The following SNX29 variants were observed in gnomAD, a reference collection of about 807,000 sequenced individuals.
SNX29 encodes the protein sorting nexin-29.
A neutral mutation model predicts 102.1 loss-of-function variants in SNX29; 78 were observed. The ratio of observed to expected loss-of-function variants is 0.76; its 90% CI spans 0.64 to 0.92. SNX29 has a LOEUF of 0.92. Among genes scored for constraint, SNX29 ranks in the 40% least tolerant of loss-of-function variants. The pLI, the probability that SNX29 is intolerant of heterozygous loss-of-function variation, is 0.00. For missense variants in SNX29, 1,280 were observed against 1,061.7 expected (o/e 1.21, Z -2.86); for synonymous variants, 580 against 414.5 (o/e 1.40, Z -4.85).
At chr16:12,427,023 G>C (rs866785993) in intron 18 of SNX29, among the ~76,000 whole-genome samples, 1 of 152,190 alleles carries the variant, frequency 6.6e-6, no homozygotes, top group Non-Finnish European at 1.5e-5. Flanking sequence ...ATGCCAGAAT[G>C]GGGGAGGGAG....
intron 15 of SNX29, among the ~76,000 whole-genome samples, chr16:12,309,534 C>G (rs2080461337): frequency 6.6e-6 from 1 of 152,134 alleles, no homozygotes; most frequent in Non-Finnish European, 1.5e-5. Context: ...TCTGGCTTCT[C>G]CATTAGCTTG....
At chr16:12,281,613 C>T (rs1358887451) in intron 15 of SNX29, among the ~76,000 whole-genome samples, 1 of 152,192 alleles carries the variant, frequency 6.6e-6, no homozygotes, top group African/African-American at 2.4e-5. Flanking sequence ...CAGCAGCTGT[C>T]AGGTGAGTAC....
At chr16:12,078,508 G>T (rs113783388) in intron 10 of SNX29, among the ~76,000 whole-genome samples, 1 of 152,152 alleles carries the variant, frequency 6.6e-6, no homozygotes, top group African/African-American at 2.4e-5. Flanking sequence ...GCTTGTTTAC[G>T]GTGTGAGATC....
intron 20 of SNX29, among the ~76,000 whole-genome samples, chr16:12,563,095 G>A (rs539882702): frequency 1.4e-4 from 20 of 142,734 alleles, no homozygotes; most frequent in African/African-American, 4.6e-4. Flanking sequence ...TTACATAGAA[G>A]ACGCACGCTA....
chr16:12,185,668 A>G lies in SNX29; in HGVS notation c.1596-13933A>G, dbSNP rs750911326. ...ATTCGCAGTCCATGTTTCTGCCTGT[A>G]GTCTCAAGAGGCCGAGATTTGTTGA... On this transcript the variant is annotated intron_variant, in intron 13 of 20. Transcript: ENST00000566228. Among the ~76,000 whole-genome samples, 21 of 152,182 alleles carry G rather than the reference A, an allele frequency of 1.4e-4. 1 individual carries two copies. The highest frequency in any genetic ancestry group is 2.8e-4 in the Non-Finnish European group (19 of 68,040).
intron 15 of SNX29, among the ~76,000 whole-genome samples, chr16:12,288,483 G>A (rs1272668122): frequency 6.6e-6 from 1 of 152,142 alleles, no homozygotes; most frequent in Non-Finnish European, 1.5e-5. Context: ...TCCCGGAGCT[G>A]TAACTCCACT....
Position 12,569,832 on chromosome 16 carries a change from TAAAC to T in SNX29, c.*1204_*1207del, listed in dbSNP as rs1053904965. 29 of 230,602 alleles carry T rather than the reference TAAAC, an allele frequency of 1.3e-4. No homozygotes were observed. Among genetic ancestry groups the T allele is most frequent in the African/African-American group, 6.4e-4 (29 of 45,304 alleles). The allele number at this position is 230,602 out of a possible 1,614,324, so 14.3% of individuals were successfully genotyped here. ...GTTGTGGCAGTTTGCATTTCTAGGG[TAAAC>T]TAACTAGGAAGGATGTCGTGAAATG... is the stretch of plus-strand genomic sequence containing the variant. On this transcript the variant is annotated 3_prime_UTR_variant, in exon 21 of 21. Transcript: ENST00000566228.
At chr16:12,475,884 C>T (rs1031088223) in intron 18 of SNX29, among the ~76,000 whole-genome samples, 1 of 152,130 alleles carries the variant, frequency 6.6e-6, no homozygotes, top group African/African-American at 2.4e-5. Flanking sequence ...TGAATTTGGC[C>T]CATGGGCCAT....
intron 13 of SNX29, among the ~76,000 whole-genome samples, chr16:12,196,289 G>A (rs1420753791): frequency 6.6e-6 from 1 of 152,186 alleles, no homozygotes; most frequent in Non-Finnish European, 1.5e-5. Context: ...TAAAATGAAG[G>A]CAGTAAGAAA....
chr16:12,105,264 C>T (rs142251168), intron 11 of SNX29, among the ~76,000 whole-genome samples: 30 of 134,210 alleles, frequency 2.2e-4, no homozygotes, highest in East Asian at 7.8e-4. Context: ...CTCACTCTGT[C>T]GCTAGGCTGG....
At chr16:12,544,383 G>T (rs140434499) in intron 20 of SNX29, among the ~76,000 whole-genome samples, 9 of 152,334 alleles carry the variant, frequency 5.9e-5, no homozygotes, top group South Asian at 2.1e-4. Flanking sequence ...AGTGGAAGGC[G>T]TTGTGAGGTG....
intron 15 of SNX29, among the ~76,000 whole-genome samples, chr16:12,278,492 A>G (rs2079328222): frequency 6.6e-6 from 1 of 152,154 alleles, no homozygotes; most frequent in South Asian, 2.1e-4. Context: ...AAACCAAAAC[A>G]TTTTGGAATA....
intron 3 of SNX29, among the ~76,000 whole-genome samples, chr16:12,011,052 A>G (rs953381135): frequency 6.6e-6 from 1 of 152,102 alleles, no homozygotes; most frequent in African/African-American, 2.4e-5. Context: ...CATCCTGACC[A>G]AAAATCCTGG....
chr16:12,078,424 G>A (rs1183037085), intron 10 of SNX29, among the ~76,000 whole-genome samples: 1 of 152,058 alleles, frequency 6.6e-6, no homozygotes, highest in Admixed American at 6.6e-5. Context: ...ACAGTGAGCC[G>A]AGATCACGCA....
At chr16:12,194,867 T>C (rs2076733264) in intron 13 of SNX29, among the ~76,000 whole-genome samples, 1 of 152,148 alleles carries the variant, frequency 6.6e-6, no homozygotes, top group African/African-American at 2.4e-5. Flanking sequence ...CCTCAGATGA[T>C]CCACTCACCT....
chr16:12,078,801 A>G (rs1208995596), intron 10 of SNX29, 32 bp from the exon 11 acceptor site: 3 of 1,568,204 alleles, frequency 1.9e-6, no homozygotes, highest in Admixed American at 3.7e-5. Context: ...TCAGTGGCCG[A>G]GTGTAACTTC....
intron 20 of SNX29, chr16:12,526,522 T>C: frequency 1.9e-6 from 1 of 512,980 alleles, no homozygotes; most frequent in South Asian, 1.5e-5. Flanking sequence ...GCTTTATTTT[T>C]CTTTTCTTCT....
intron 3 of SNX29, among the ~76,000 whole-genome samples, chr16:12,023,004 C>T (rs1441930293): frequency 1.3e-5 from 2 of 149,460 alleles, no homozygotes; most frequent in Non-Finnish European, 3.0e-5. Flanking sequence ...CCAAGGAATT[C>T]TCCTGCTCCA....
At chr16:12,295,331 A>G (rs1272143067) in intron 15 of SNX29, among the ~76,000 whole-genome samples, 3 of 152,236 alleles carry the variant, frequency 2.0e-5, no homozygotes, top group Non-Finnish European at 4.4e-5. Flanking sequence ...CCAGCCTCCC[A>G]GGAGAAGTTG....
Sources: gnomAD v4.1 joint callset for allele counts (sites outside exome capture counted in the v4.1 genomes callset) on GRCh38, gnomAD v4.1.1 for gene constraint, MANE v1.5 for transcripts, NCBI Gene and HGNC (gene_info 2026-07-23, HGNC 2026-07-21) for gene names.